Variants in CDK5RAP2 observed in about 807,000 individuals in gnomAD.
CDK5RAP2 encodes CDK5 regulatory subunit-associated protein 2.
CDK5RAP2 carries 147 observed loss-of-function variants against 232.9 expected under a neutral mutation model. The observed-to-expected ratio is 0.63, with a 90% CI of 0.55 to 0.72. The LOEUF is 0.72. Among genes scored for constraint, CDK5RAP2 ranks in the 30% least tolerant of loss-of-function variants. CDK5RAP2 has a pLI of 0.00. For synonymous variants in CDK5RAP2, 833 were observed against 833.7 expected, an observed-to-expected ratio of 1.00 and a Z score of 0.01; for missense variants, 2,195 against 2,231.5, an observed-to-expected ratio of 0.98 and a Z score of 0.33.
chr9:120,542,727 C>T (rs867831267), intron 5 of CDK5RAP2, among the ~76,000 whole-genome samples: 2 of 152,208 alleles, frequency 1.3e-5, no homozygotes, highest in South Asian at 2.1e-4. Context: ...CCTATAGTCT[C>T]TCCTCTGTGA....
intron 12 of CDK5RAP2, among the ~76,000 whole-genome samples, chr9:120,514,768 A>G (rs2040251436): frequency 1.3e-5 from 2 of 152,128 alleles, no homozygotes. Flanking sequence ...TCCCTGCCCT[A>G]TTGCCATCAT....
intron 25 of CDK5RAP2, among the ~76,000 whole-genome samples, chr9:120,431,791 A>G (rs1007128322): frequency 1.3e-5 from 2 of 152,232 alleles, no homozygotes; most frequent in Non-Finnish European, 2.9e-5. Context: ...ACTCAAAAAT[A>G]CCTACAGACA....
At chr9:120,544,125 T>C (rs895603263) in intron 5 of CDK5RAP2, among the ~76,000 whole-genome samples, 4 of 152,088 alleles carry the variant, frequency 2.6e-5, no homozygotes, top group Non-Finnish European at 5.9e-5. Flanking sequence ...CCTGAGCAGT[T>C]TGGGAAATAT....
intron 22 of CDK5RAP2, among the ~76,000 whole-genome samples, chr9:120,446,709 C>T (rs767348029): frequency 7.2e-5 from 11 of 152,210 alleles, no homozygotes; most frequent in Non-Finnish European, 1.3e-4. Context: ...ACTCCAGTCA[C>T]ACAATTAGCC....
chr9:120,553,319 G>A (rs2042113519), intron 3 of CDK5RAP2, among the ~76,000 whole-genome samples: 1 of 152,122 alleles, frequency 6.6e-6, no homozygotes, highest in South Asian at 2.1e-4. Flanking sequence ...TTTCTGTGCA[G>A]TCTAACTTAA....
chr9:120,441,859 T>A (rs1264745326), intron 23 of CDK5RAP2, among the ~76,000 whole-genome samples: 1 of 152,214 alleles, frequency 6.6e-6, no homozygotes, highest in Non-Finnish European at 1.5e-5. Context: ...GACCGTGTCA[T>A]CCATGTCTGT....
intron 6 of CDK5RAP2, 23 bp downstream of exon 6, chr9:120,539,018 G>T: frequency 6.2e-7 from 1 of 1,612,648 alleles, no homozygotes; most frequent in South Asian, 1.1e-5. Flanking sequence ...GAAATACACT[G>T]CCCTCAGGAT....
intron 13 of CDK5RAP2, among the ~76,000 whole-genome samples, chr9:120,488,535 T>C (rs1388576949): frequency 6.6e-6 from 1 of 152,226 alleles, no homozygotes; most frequent in African/African-American, 2.4e-5. Context: ...TGCAACTCTT[T>C]AGCTATTTCT....
rs761602763 is a variant in CDK5RAP2 at position 120,471,886 on chromosome 9, A to C, written c.1728-8T>G. ...GCCTGCAGGTTGTTGATACTTGGTA[A>C]AACAAGACACCAGAAGTTTTAAAAC... On this transcript the variant is annotated splice_region_variant and splice_polypyrimidine_tract_variant and intron_variant, in intron 15 of 37. Transcript: ENST00000349780. The C allele has an allele frequency of 6.2e-7, 1 of 1,614,086 alleles. No individual in the cohort carries two copies.
In CDK5RAP2 at chr9:120,400,813, A is replaced by T. The variant is rs771233738; in HGVS notation, c.5380T>A (p.Tyr1794Asn). 1.2e-6 allele frequency: 2 copies of T among 1,614,212 alleles called. No homozygotes were observed. The highest frequency in any genetic ancestry group is 1.7e-6 in the Non-Finnish European group (2 of 1,180,038). The change falls in exon 35 of 38, where the codon TAC becomes AAC. Residue 1794 changes from tyrosine (Y) to asparagine (N), a missense_variant. Transcript: ENST00000349780. Reference protein sequence around the residue: ...STAKLTLEEAYRRLKLLWRVS... With the variant: ...STAKLTLEEANRRLKLLWRVS... Reference sequence around the variant, plus strand: ...CTCCAGAGAAGCTTCAGCCGCCTGTAGGCCTCTTCCAGGGTCAGCTTGGCC... The same window carrying T: ...CTCCAGAGAAGCTTCAGCCGCCTGTTGGCCTCTTCCAGGGTCAGCTTGGCC...
intron 24 of CDK5RAP2, among the ~76,000 whole-genome samples, chr9:120,438,830 A>G (rs1453352743): frequency 1.3e-5 from 2 of 152,222 alleles, no homozygotes; most frequent in Non-Finnish European, 2.9e-5. Flanking sequence ...CAACTTTACT[A>G]ATGATCCCAT....
At chr9:120,441,609 C>T (rs1359894784) in intron 23 of CDK5RAP2, among the ~76,000 whole-genome samples, 1 of 152,188 alleles carries the variant, frequency 6.6e-6, no homozygotes, top group Non-Finnish European at 1.5e-5. Flanking sequence ...TAGGAGATCT[C>T]TCAGAAAGAA....
intron 12 of CDK5RAP2, among the ~76,000 whole-genome samples, chr9:120,504,313 A>C (rs1414557725): frequency 6.6e-6 from 1 of 152,192 alleles, no homozygotes; most frequent in African/African-American, 2.4e-5. Flanking sequence ...GCCTGGCTAC[A>C]TCTGGAGCAG....
intron 25 of CDK5RAP2, among the ~76,000 whole-genome samples, chr9:120,430,496 A>C: frequency 2.7e-5 from 4 of 150,450 alleles, no homozygotes; most frequent in Admixed American, 6.6e-5. Flanking sequence ...ATGCAGCCAA[A>C]AGACACATGA....
intron 12 of CDK5RAP2, among the ~76,000 whole-genome samples, chr9:120,492,788 T>C (rs1339961345): frequency 6.6e-6 from 1 of 152,168 alleles, no homozygotes; most frequent in Non-Finnish European, 1.5e-5. Context: ...ATATATAACA[T>C]ATATATTTAT....
At chr9:120,485,293 CTTTTTTTT>C (rs111411839) in intron 14 of CDK5RAP2, among the ~76,000 whole-genome samples, 2 of 132,350 alleles carry the variant, frequency 1.5e-5, no homozygotes, top group Non-Finnish European at 3.2e-5. Flanking sequence ...CATTTAGATA[CTTTTTTTT>C]TTTTTTTTTT....
chr9:120,536,785 C>T (rs1187127919), intron 6 of CDK5RAP2, among the ~76,000 whole-genome samples: 2 of 151,990 alleles, frequency 1.3e-5, no homozygotes, highest in Non-Finnish European at 2.9e-5. Context: ...TTTGAAAAAT[C>T]AGATCAATAT....
rs143789156 is a variant in CDK5RAP2, at chr9:120,422,574, T to C, written c.4004+119A>G. 127 of 783,194 alleles carry C rather than the reference T, an allele frequency of 1.6e-4. 2 individuals carry two copies. In the East Asian group the frequency reaches 3.2e-3, roughly 20 times the overall value. The allele number at this position is 783,194 out of a possible 1,614,324, so 48.5% of individuals were successfully genotyped here. A position where few individuals can be genotyped will look rare whatever the true frequency, so the allele number is the denominator to read the frequency against. Reference sequence around the variant, plus strand: ...GTCAGTTCCATAGATGTTTATACCTTATTTACAAGAAGCAGGAAACAAACA... The same window carrying C: ...GTCAGTTCCATAGATGTTTATACCTCATTTACAAGAAGCAGGAAACAAACA... On this transcript the variant is annotated intron_variant, in intron 26 of 37. Coordinates refer to ENST00000349780, the MANE Select transcript of CDK5RAP2 (RefSeq NM_018249.6).
intron 2 of CDK5RAP2, among the ~76,000 whole-genome samples, chr9:120,570,974 C>A (rs895322098): frequency 1.3e-5 from 2 of 152,118 alleles, no homozygotes; most frequent in Non-Finnish European, 2.9e-5. Context: ...CCAGACTGGG[C>A]AACATGGCAA....
Sources: allele counts gnomAD v4.1 joint callset (sites outside exome capture counted in the v4.1 genomes callset), GRCh38; gene constraint gnomAD v4.1.1; transcripts MANE v1.5; gene names NCBI Gene and HGNC (gene_info 2026-07-23, HGNC 2026-07-21).